TMEM266: variants seen among roughly 807,000 people sequenced by gnomAD.
The protein encoded by TMEM266 is Hv1 related protein 1.
A neutral mutation model predicts 50.5 loss-of-function variants in TMEM266; 33 were observed. The observed-to-expected ratio is 0.65, with a 90% CI of 0.50 to 0.87. The LOEUF is 0.87. Among genes scored for constraint, TMEM266 ranks in the 40% least tolerant of loss-of-function variants. The probability of loss-of-function intolerance (pLI) is 0.00; values close to 1 mark genes in which losing one functional copy is unlikely to be tolerated. For missense variants in TMEM266, 655 were observed against 695.1 expected (o/e 0.94, Z 0.65); for synonymous variants, 310 against 292.3 (o/e 1.06, Z -0.62).
intron 7 of TMEM266, 121 bp downstream of exon 7, chr15:76,171,252 G>T: frequency 7.2e-7 from 1 of 1,383,994 alleles, no homozygotes; most frequent in Non-Finnish European, 9.7e-7. Flanking sequence ...AGGTGAAACT[G>T]TCGGCAGGGA....
intron 1 of TMEM266, among the ~76,000 whole-genome samples, chr15:76,130,845 TCTTTA>T (rs1008187246): frequency 6.6e-5 from 10 of 152,246 alleles, no homozygotes; most frequent in African/African-American, 2.4e-4. Context: ...TTTTTCATAA[TCTTTA>T]CTTCTTTTTT....
rs2036820092 is a variant in TMEM266 at position 76,089,458 on chromosome 15, G to A, written c.-97+29442G>A. 2.0e-5 allele frequency among the ~76,000 whole-genome samples: 3 copies of A among 152,214 alleles called. No individual in the cohort carries two copies. In the East Asian group the frequency reaches 5.8e-4, roughly 29 times the overall value. Reference sequence around the variant, plus strand: ...TCTGCCCGCCTCAGCCTCCCAAAGTGCTGGGATTACAGGCTTGAGCCACCG... The same window carrying A: ...TCTGCCCGCCTCAGCCTCCCAAAGTACTGGGATTACAGGCTTGAGCCACCG... On this transcript the variant is annotated intron_variant, in intron 1 of 10. Transcript: ENST00000388942.
chr15:76,075,861 T>TTTTC, intron 1 of TMEM266, among the ~76,000 whole-genome samples: 1 of 122,732 alleles, frequency 8.1e-6, no homozygotes, highest in African/African-American at 3.2e-5. Context: ...TTTTTTTTTT[T>TTTTC]TTTTTTTTTT....
chr15:76,162,264 T>C (rs2038029696), intron 5 of TMEM266, among the ~76,000 whole-genome samples: 1 of 152,102 alleles, frequency 6.6e-6, no homozygotes, highest in Admixed American at 6.5e-5. Context: ...GTGTCCAGCG[T>C]GAATGGAGGG....
chr15:76,066,987 G>A (rs957867411), intron 1 of TMEM266, among the ~76,000 whole-genome samples: 3 of 151,956 alleles, frequency 2.0e-5, no homozygotes, highest in African/African-American at 2.4e-5. Context: ...ATTACCCCCC[G>A]TCCCCAGTGG....
At chr15:76,119,790 G>T (rs1168608285) in intron 1 of TMEM266, among the ~76,000 whole-genome samples, 1 of 152,064 alleles carries the variant, frequency 6.6e-6, no homozygotes, top group Non-Finnish European at 1.5e-5. Context: ...ATTAAAAAAA[G>T]AAGAAAAAGA....
chr15:76,101,637 C>G (rs1445028116), intron 1 of TMEM266, among the ~76,000 whole-genome samples: 1 of 152,314 alleles, frequency 6.6e-6, no homozygotes, highest in East Asian at 1.9e-4. Flanking sequence ...GGGAAATGCT[C>G]TAACTCCACA....
chr15:76,182,225 T>G (rs1052163598), intron 8 of TMEM266, among the ~76,000 whole-genome samples: 3 of 152,080 alleles, frequency 2.0e-5, no homozygotes, highest in Non-Finnish European at 4.4e-5. Context: ...CATCTTCCCT[T>G]TAACCCCTGA....
chr15:76,123,664 A>G (rs2037376863), intron 1 of TMEM266, among the ~76,000 whole-genome samples: 1 of 152,114 alleles, frequency 6.6e-6, no homozygotes, highest in South Asian at 2.1e-4. Context: ...TGCTAAGACA[A>G]CCGAGATTAT....
At chr15:76,076,809 A>G (rs1403085303) in intron 1 of TMEM266, among the ~76,000 whole-genome samples, 1 of 152,140 alleles carries the variant, frequency 6.6e-6, no homozygotes, top group East Asian at 1.9e-4. Context: ...ATATTTAAAG[A>G]TGATGCTGAT....
chr15:76,125,679 C>T lies in TMEM266; in HGVS notation c.-96-8489C>T, dbSNP rs187444506. 2.5e-3 allele frequency among the ~76,000 whole-genome samples: 387 copies of T among 152,048 alleles called. 1 individual carries two copies. Among genetic ancestry groups the T allele is most frequent in the Non-Finnish European group, 2.2e-3 (150 of 67,998 alleles). ...CCTGGCCAACATGGCGAAACCCCATCTCTACTAAAAATACAAAAATTAGCC... is the reference window on the plus strand; with the variant it reads ...CCTGGCCAACATGGCGAAACCCCATTTCTACTAAAAATACAAAAATTAGCC... On this transcript the variant is annotated intron_variant, in intron 1 of 10. Coordinates refer to ENST00000388942, the MANE Select transcript of TMEM266 (RefSeq NM_152335.3).
chr15:76,192,378 A>G (rs1452479348), intron 9 of TMEM266, among the ~76,000 whole-genome samples: 1 of 152,104 alleles, frequency 6.6e-6, no homozygotes, highest in Non-Finnish European at 1.5e-5. Context: ...CAAACTAGAA[A>G]TGACTCGTCC....
intron 1 of TMEM266, among the ~76,000 whole-genome samples, chr15:76,105,332 C>G (rs1181135323): frequency 1.3e-5 from 2 of 152,210 alleles, no homozygotes; most frequent in African/African-American, 4.8e-5. Flanking sequence ...AAGGCACAGC[C>G]TGGGGTCCCC....
intron 1 of TMEM266, among the ~76,000 whole-genome samples, chr15:76,088,263 T>G (rs751964030): frequency 7.2e-5 from 11 of 152,206 alleles, no homozygotes; most frequent in Non-Finnish European, 1.5e-4. Flanking sequence ...TGAAAATAGA[T>G]GGCAATAAGA....
chr15:76,140,617 G>T (rs1328234430), intron 3 of TMEM266, among the ~76,000 whole-genome samples: 1 of 152,142 alleles, frequency 6.6e-6, no homozygotes, highest in Non-Finnish European at 1.5e-5. Flanking sequence ...ATATTTCAGG[G>T]CTTTTCAATT....
chr15:76,084,336 A>G (rs1596092931), intron 1 of TMEM266, among the ~76,000 whole-genome samples: 1 of 152,282 alleles, frequency 6.6e-6, no homozygotes, highest in African/African-American at 2.4e-5. Flanking sequence ...AAAATAAAAG[A>G]AAAAGAAAGG....
At chr15:76,130,108 A>G (rs2037483373) in intron 1 of TMEM266, among the ~76,000 whole-genome samples, 1 of 147,888 alleles carries the variant, frequency 6.8e-6, no homozygotes. Flanking sequence ...CTTTTCAGCT[A>G]CTCTGGGGGC....
chr15:76,069,715 G>A (rs560592372), intron 1 of TMEM266, among the ~76,000 whole-genome samples: 11 of 152,100 alleles, frequency 7.2e-5, no homozygotes, highest in Non-Finnish European at 1.3e-4. Flanking sequence ...CTACTCGGGA[G>A]GCTGAGGCAG....
At position 76,186,253 on chromosome 15, in the gene TMEM266, A is replaced by G. The variant is rs56198249; in HGVS notation, c.769-5715A>G. Among the ~76,000 whole-genome samples, 1,153 of 152,164 alleles carry G rather than the reference A, an allele frequency of 7.6e-3. 12 individuals are homozygous for G. The highest frequency in any genetic ancestry group is 0.024 in the Middle Eastern group (7 of 294). On this transcript the variant is annotated intron_variant, in intron 8 of 10. Coordinates refer to ENST00000388942, the MANE Select transcript of TMEM266 (RefSeq NM_152335.3). ...AGGCTCCTTCCCACCTCCGGGCCTCAGTTCCCCATCTGACTCATGAGGCCC... is the reference window on the plus strand; with the variant it reads ...AGGCTCCTTCCCACCTCCGGGCCTCGGTTCCCCATCTGACTCATGAGGCCC...
Sources: gnomAD v4.1 joint callset for allele counts (sites outside exome capture counted in the v4.1 genomes callset) on GRCh38, gnomAD v4.1.1 for gene constraint, MANE v1.5 for transcripts, NCBI Gene and HGNC (gene_info 2026-07-23, HGNC 2026-07-21) for gene names.